Variants in RALGPS1 observed in about 807,000 individuals in gnomAD.
RALGPS1 encodes ras-specific guanine nucleotide-releasing factor RalGPS1.
A neutral mutation model predicts 78.8 loss-of-function variants in RALGPS1; 19 were observed. The observed-to-expected ratio is 0.24, with a 90% confidence interval of 0.17 to 0.35. The LOEUF (loss-of-function observed/expected upper bound fraction) is 0.35, where lower values mean the gene tolerates loss of function less well. Ranked by LOEUF, RALGPS1 falls within the 10% of genes least tolerant of loss-of-function variation. The probability of loss-of-function intolerance (pLI) is 1.00; values close to 1 mark genes in which losing one functional copy is unlikely to be tolerated. For missense variants in RALGPS1, 454 were observed against 688.3 expected (o/e 0.66, Z 3.81); for synonymous variants, 228 against 256.3 (o/e 0.89, Z 1.06).
At chr9:127,094,585 G>A (rs1248226198) in intron 8 of RALGPS1, among the ~76,000 whole-genome samples, 1 of 152,256 alleles carries the variant, frequency 6.6e-6, no homozygotes, top group Non-Finnish European at 1.5e-5. Flanking sequence ...CAGAGACTTT[G>A]GGATATTTCT....
At chr9:126,966,169 A>G (rs1657599323) in intron 3 of RALGPS1, among the ~76,000 whole-genome samples, 1 of 152,200 alleles carries the variant, frequency 6.6e-6, no homozygotes, top group Non-Finnish European at 1.5e-5. Flanking sequence ...CGCTATATAT[A>G]TAAATGTGAA....
intron 8 of RALGPS1, among the ~76,000 whole-genome samples, chr9:127,160,470 TGTG>T (rs766311181): frequency 5.3e-5 from 8 of 152,196 alleles, no homozygotes; most frequent in Non-Finnish European, 1.2e-4. Flanking sequence ...TTGGCACTCA[TGTG>T]GCAGCTACAG....
At chr9:127,010,642 T>C (rs1334885852) in intron 4 of RALGPS1, among the ~76,000 whole-genome samples, 1 of 152,220 alleles carries the variant, frequency 6.6e-6, no homozygotes, top group Admixed American at 6.5e-5. Flanking sequence ...CGTGTTCATA[T>C]TGTGCTGGCT....
At chr9:127,199,134 G>A (rs2061488154) in intron 14 of RALGPS1, 68 bp downstream of exon 14, 3 of 1,486,834 alleles carry the variant, frequency 2.0e-6, no homozygotes, top group Admixed American at 1.7e-5. Flanking sequence ...CCGAAGACAG[G>A]CCCCGGGCAG....
chr9:127,013,386 C>G (rs578219779), intron 4 of RALGPS1, among the ~76,000 whole-genome samples: 9 of 152,244 alleles, frequency 5.9e-5, no homozygotes, highest in Admixed American at 5.9e-4. Flanking sequence ...CCAAACCAAG[C>G]CTGATTCTTT....
chr9:126,964,845 G>A (rs1238935193), intron 2 of RALGPS1, among the ~76,000 whole-genome samples: 2 of 152,158 alleles, frequency 1.3e-5, no homozygotes, highest in Non-Finnish European at 2.9e-5. Flanking sequence ...AGTTTTTCCA[G>A]ATATAGCCAT....
intron 8 of RALGPS1, among the ~76,000 whole-genome samples, chr9:127,073,693 G>A (rs1201475417): frequency 2.6e-5 from 4 of 151,980 alleles, no homozygotes; most frequent in African/African-American, 7.3e-5. Context: ...TGCAGTGGCT[G>A]TACTAACATA....
chr9:127,201,110 T>C (rs1276920999), intron 14 of RALGPS1, among the ~76,000 whole-genome samples: 3 of 152,220 alleles, frequency 2.0e-5, no homozygotes, highest in Non-Finnish European at 4.4e-5. Flanking sequence ...CCCAGGGAGA[T>C]GATGCTGTTT....
intron 11 of RALGPS1, among the ~76,000 whole-genome samples, chr9:127,192,099 C>T (rs1046282519): frequency 1.3e-5 from 2 of 152,214 alleles, no homozygotes; most frequent in African/African-American, 2.4e-5. Flanking sequence ...GTTAGCTTCA[C>T]GTTTTTCAAA....
intron 11 of RALGPS1, among the ~76,000 whole-genome samples, chr9:127,187,433 T>G (rs2060723885): frequency 6.6e-6 from 1 of 152,236 alleles, no homozygotes; most frequent in Non-Finnish European, 1.5e-5. Context: ...CAGCGTGCAG[T>G]AGCTCTGTAA....
chr9:127,151,061 G>A (rs1206650575), intron 8 of RALGPS1, among the ~76,000 whole-genome samples: 1 of 152,106 alleles, frequency 6.6e-6, no homozygotes, highest in Admixed American at 6.5e-5. Context: ...GCACACGCCT[G>A]TAGTCCCAGC....
At chr9:127,103,780 C>A (rs1202034441) in intron 8 of RALGPS1, among the ~76,000 whole-genome samples, 1 of 152,136 alleles carries the variant, frequency 6.6e-6, no homozygotes, top group Non-Finnish European at 1.5e-5. Flanking sequence ...GGAAGTAGAG[C>A]TAGAAGGTCA....
chr9:127,169,767 C>T (rs1292458499), intron 10 of RALGPS1, among the ~76,000 whole-genome samples: 3 of 152,076 alleles, frequency 2.0e-5, no homozygotes, highest in South Asian at 2.1e-4. Flanking sequence ...ATTTTCAGCA[C>T]GGTATTTAAT....
intron 4 of RALGPS1, among the ~76,000 whole-genome samples, chr9:127,027,088 A>T (rs897822525): frequency 6.6e-6 from 1 of 152,164 alleles, no homozygotes; most frequent in African/African-American, 2.4e-5. Flanking sequence ...CCACCTCTGT[A>T]GCCCCTTCCT....
intron 8 of RALGPS1, among the ~76,000 whole-genome samples, chr9:127,078,800 A>G (rs1336058354): frequency 1.3e-5 from 2 of 152,324 alleles, no homozygotes; most frequent in African/African-American, 2.4e-5. Context: ...TAGGATGACT[A>G]TTCCTCTTTG....
chr9:127,019,222 G>A (rs2045205944), intron 4 of RALGPS1, among the ~76,000 whole-genome samples: 1 of 152,146 alleles, frequency 6.6e-6, no homozygotes, highest in Non-Finnish European at 1.5e-5. Flanking sequence ...ATCATTTTCT[G>A]TGCTCTGTGG....
At chr9:127,060,005 G>A (rs540733626) in intron 7 of RALGPS1, among the ~76,000 whole-genome samples, 1 of 152,274 alleles carries the variant, frequency 6.6e-6, no homozygotes, top group East Asian at 1.9e-4. Flanking sequence ...AAGTCACCAT[G>A]TGTTAAAAAT....
At chr9:126,964,970 A>C (rs996491488) in intron 2 of RALGPS1, among the ~76,000 whole-genome samples, 3 of 152,206 alleles carry the variant, frequency 2.0e-5, no homozygotes, top group Admixed American at 2.0e-4. Flanking sequence ...GAGACGAATA[A>C]AATCATTTAT....
chr9:126,999,481 C>G (rs898278443), intron 4 of RALGPS1, among the ~76,000 whole-genome samples: 8 of 152,212 alleles, frequency 5.3e-5, no homozygotes, highest in Admixed American at 1.3e-4. Flanking sequence ...CCCACCTATT[C>G]ATCTCTTCTT....
Sources: allele counts gnomAD v4.1 joint callset (sites outside exome capture counted in the v4.1 genomes callset), GRCh38; gene constraint gnomAD v4.1.1; transcripts MANE v1.5; gene names NCBI Gene and HGNC (gene_info 2026-07-23, HGNC 2026-07-21).